Variants in CLU observed in about 807,000 individuals in gnomAD.
CLU encodes aging-associated protein 4.
Under a neutral mutation model 46.4 loss-of-function variants are expected in CLU, and 25 were observed. The observed-to-expected ratio is 0.54, with a 90% CI of 0.39 to 0.75. The LOEUF is 0.75. Ranked by LOEUF, CLU falls within the 30% of genes least tolerant of loss-of-function variation. CLU has a pLI of 0.00. For synonymous variants in CLU, 235 were observed against 235.1 expected (o/e 1.00, Z 0.00); for missense variants, 504 against 592.1 (o/e 0.85, Z 1.54).
chr8:27,614,673 G>T lies in CLU; in HGVS notation c.-48C>A. 1 of 532,236 alleles carries T rather than the reference G, an allele frequency of 1.9e-6. No individual in the cohort carries two copies. The highest frequency in any genetic ancestry group is 3.2e-4 in the Middle Eastern group (1 of 3,132). 33.0% of individuals were successfully genotyped at this position (532,236 alleles called of 1,614,324 possible). ...ATCTCACCGGTCAGCGGCACCCTGT[G>T]CCCGCGCGCTCCTCCTGGCGACGCC... is the stretch of plus-strand genomic sequence containing the variant. On this transcript the variant is annotated 5_prime_UTR_variant, in exon 1 of 9. Transcript: ENST00000316403.
At chr8:27,614,403 A>G in intron 1 of CLU, 1 of 286,476 alleles carries the variant, frequency 3.5e-6, no homozygotes, top group Non-Finnish European at 6.8e-6. Context: ...TATCTGTTCT[A>G]TTTACCCCCC....
intron 4 of CLU, 76 bp downstream of exon 4, chr8:27,606,278 C>A: frequency 6.6e-7 from 1 of 1,518,558 alleles, no homozygotes; most frequent in Non-Finnish European, 9.1e-7. Context: ...ATCTGGCATG[C>A]GGAATGAAGC....
Position 27,597,276 on chromosome 8 carries a change from G to T in CLU, c.*965C>A. ...ATTCTATCAGAGAATGTTAATGAAC[G>T]AAAAGCCTGAGCTTTAAGACTGAGA... On this transcript the variant is annotated 3_prime_UTR_variant, in exon 9 of 9. Coordinates refer to ENST00000316403, the MANE Select transcript of CLU (RefSeq NM_001831.4). 2.2e-6 allele frequency: 1 copy of T among 454,292 alleles called. No homozygotes were observed. Among genetic ancestry groups the T allele is most frequent in the Middle Eastern group, 6.9e-4 (1 of 1,444 alleles). 28.1% of individuals were successfully genotyped at this position (454,292 alleles called of 1,614,324 possible). A position where few individuals can be genotyped will look rare whatever the true frequency, so the allele number is the denominator to read the frequency against.
At chr8:27,601,650 G>C (rs1466954314) in intron 6 of CLU, among the ~76,000 whole-genome samples, 3 of 152,144 alleles carry the variant, frequency 2.0e-5, no homozygotes, top group African/African-American at 4.8e-5. Flanking sequence ...GTGAGTCAGG[G>C]GAAGGGAGAT....
At chr8:27,611,327 GCTTCC>G in intron 1 of CLU, 1 of 455,770 alleles carries the variant, frequency 2.2e-6, no homozygotes. Context: ...CGAGGAGCAG[GCTTCC>G]CAGAGAAAGT....
chr8:27,605,008 C>G lies in CLU; in HGVS notation c.745G>C (p.Glu249Gln), dbSNP rs1224633763. 10 of 1,613,924 alleles carry G rather than the reference C, an allele frequency of 6.2e-6. No homozygotes were observed. Among genetic ancestry groups the G allele is most frequent in the Non-Finnish European group, 7.6e-6 (9 of 1,180,018 alleles). Residue 249 changes from glutamate to glutamine, a missense_variant, in exon 5 of 9, where the codon GAG (glutamate) becomes CAG (glutamine). Around this residue, in one of 3 missense-constraint regions of CLU, gnomAD observed 428 missense variants for 484.0 expected, o/e 0.88. Coordinates refer to ENST00000316403, the MANE Select transcript of CLU (RefSeq NM_001831.4). ...GCCTGCTGAGCCTCGTGTATCATCTCAAGGAAGGGCTGGAACATGGCGTGG... is the reference window on the plus strand; with the variant it reads ...GCCTGCTGAGCCTCGTGTATCATCTGAAGGAAGGGCTGGAACATGGCGTGG... ...NFHAMFQPFL[E>Q]MIHEAQQAMD... is the part of the protein sequence containing the mutation.
intron 6 of CLU, among the ~76,000 whole-genome samples, chr8:27,601,598 C>T (rs978263651): frequency 2.0e-5 from 3 of 152,148 alleles, no homozygotes; most frequent in Non-Finnish European, 4.4e-5. Flanking sequence ...TTTTTCTCCC[C>T]CTAAGGTATT....
intron 3 of CLU, among the ~76,000 whole-genome samples, chr8:27,608,240 T>G (rs1377134529): frequency 1.3e-5 from 2 of 152,174 alleles, no homozygotes; most frequent in Non-Finnish European, 2.9e-5. Flanking sequence ...AACTCTGGGT[T>G]TCATGGAGTT....
intron 3 of CLU, chr8:27,608,704 G>C: frequency 1.7e-6 from 1 of 603,866 alleles, no homozygotes; most frequent in African/African-American, 1.9e-5. Context: ...ATGAATCTGG[G>C]CATTAGGCCC....
intron 2 of CLU, among the ~76,000 whole-genome samples, chr8:27,610,234 G>A (rs1026512563): frequency 6.6e-6 from 1 of 152,172 alleles, no homozygotes; most frequent in Admixed American, 6.5e-5. Flanking sequence ...AAATGCAACA[G>A]CCGAAAGTGC....
chr8:27,609,784 A>C (rs1800888699), intron 2 of CLU, among the ~76,000 whole-genome samples: 1 of 152,198 alleles, frequency 6.6e-6, no homozygotes, highest in Non-Finnish European at 1.5e-5. Context: ...TCTAACATAC[A>C]GGTGGTGCTT....
chr8:27,610,378 C>T (rs750674770), intron 2 of CLU, 97 bp downstream of exon 2: 2 of 1,006,186 alleles, frequency 2.0e-6, no homozygotes, highest in Non-Finnish European at 3.2e-6. Flanking sequence ...GTCTGTAACA[C>T]TGGGGCCTGA....
intron 3 of CLU, 102 bp from the exon 4 acceptor site, chr8:27,606,626 C>T: frequency 1.4e-6 from 2 of 1,438,880 alleles, no homozygotes; most frequent in South Asian, 2.3e-5. Context: ...GCAGGCCTTC[C>T]CATAGGCTGG....
chr8:27,601,187 T>A (rs1243670766), intron 6 of CLU, among the ~76,000 whole-genome samples: 1 of 152,208 alleles, frequency 6.6e-6, no homozygotes, highest in Non-Finnish European at 1.5e-5. Flanking sequence ...TAGTTGGGAT[T>A]ACAGGTGCCT....
chr8:27,605,383 C>T lies in CLU; in HGVS notation c.418-48G>A, dbSNP rs775340628. 106 of 1,599,470 alleles carry T rather than the reference C, an allele frequency of 6.6e-5. 2 individuals carry two copies. In the South Asian group the frequency reaches 8.6e-4, roughly 13 times the overall value. ...AGTTAGGAGAAGCTCACCAAGGCCA[C>T]GGCCTCCTGGCCTCCCACCCCCTGG... On this transcript the variant is annotated intron_variant, in intron 4 of 8. Coordinates refer to ENST00000316403, the MANE Select transcript of CLU (RefSeq NM_001831.4).
intron 2 of CLU, 75 bp downstream of exon 2, chr8:27,610,400 T>G: frequency 8.5e-7 from 1 of 1,180,106 alleles, no homozygotes; most frequent in Non-Finnish European, 1.3e-6. Flanking sequence ...AGAGAGGCAC[T>G]GAGCAGAATT....
Position 27,597,149 on chromosome 8 carries a change from C to G in CLU, c.*1092G>C. 2.2e-6 allele frequency: 1 copy of G among 454,106 alleles called. No homozygotes were observed. The highest frequency in any genetic ancestry group is 4.4e-6 in the Non-Finnish European group (1 of 226,790). The allele number at this position is 454,106 out of a possible 1,614,324, so 28.1% of individuals were successfully genotyped here. On this transcript the variant is annotated 3_prime_UTR_variant, in exon 9 of 9. Transcript: ENST00000316403. ...TTCAAAGAGAGACAAGGGACAGTGA[C>G]TTAAGAATATTCTAAGCTATAAATT...
At position 27,599,247 on chromosome 8, in the gene CLU, T is replaced by C; in HGVS notation, c.1164+533A>G. ...ATTTTTTGTAGAGAGGGAATCTTGC[T>C]GTGTTGCCCAGGCTGGTCTCAAATT... is the stretch of plus-strand genomic sequence containing the variant. On this transcript the variant is annotated intron_variant, in intron 7 of 8. Transcript: ENST00000316403. This position sits in a 1 kb window ranked among gnomAD's most constrained non-coding sequence, Gnocchi z 4.0. 6.0e-6 allele frequency: 1 copy of C among 165,408 alleles called. No homozygotes were observed. Among genetic ancestry groups the C allele is most frequent in the South Asian group, 1.7e-4 (1 of 5,930 alleles). 10.2% of individuals were successfully genotyped at this position (165,408 alleles called of 1,614,324 possible).
At position 27,598,548 on chromosome 8, in the gene CLU, T is replaced by C. The variant is rs1800657752; in HGVS notation, c.1252A>G (p.Thr418Ala). The C allele has an allele frequency of 1.2e-6, 2 of 1,613,988 alleles. No homozygotes were observed. The highest frequency in any genetic ancestry group is 1.7e-6 in the Non-Finnish European group (2 of 1,180,008). Residue 418 changes from threonine (T) to alanine (A), a missense_variant, in exon 8 of 9, where the codon ACG becomes GCG. Thr to Ala is a moderately conservative substitution (Grantham distance 58). This residue lies in a region of CLU where 428 missense variants were observed against 484.0 expected (regional missense o/e 0.88). Transcript: ENST00000316403. ...KLFDSDPITV[T>A]VPVEVSRKNP... ...TTCCTGGAGACTTCTACAGGGACCG[T>C]CACAGTGATGGGATCAGAGTCAAAG...
Sources: gnomAD v4.1 joint callset for allele counts (sites outside exome capture counted in the v4.1 genomes callset) on GRCh38, gnomAD v4.1.1 for gene constraint, gnomAD v4.1.1 regional missense constraint, Gnocchi (gnomAD v3.1) non-coding constraint, MANE v1.5 for transcripts, NCBI Gene and HGNC (gene_info 2026-07-23, HGNC 2026-07-21) for gene names.